Variants in PDE4D observed in about 807,000 individuals in gnomAD.
PDE4D encodes 3',5'-cyclic-AMP phosphodiesterase 4D.
In PDE4D, 24 loss-of-function variants were observed where a neutral mutation model predicts 87.4. The observed-to-expected ratio is 0.27, with a 90% CI of 0.20 to 0.39. The LOEUF is 0.39. PDE4D is among the 10% of genes least tolerant of loss of function. The pLI is 1.00. For synonymous variants in PDE4D, 384 were observed against 383.2 expected (o/e 1.00, Z -0.02); for missense variants, 714 against 1,041.0 (o/e 0.69, Z 4.32).
chr5:59,165,967 T>C (rs1221573512), intron 5 of PDE4D, among the ~76,000 whole-genome samples: 1 of 152,200 alleles, frequency 6.6e-6, no homozygotes, highest in Non-Finnish European at 1.5e-5. Flanking sequence ...TGTAGCCTTC[T>C]AGCACTGTAA....
upstream of PDE4D, among the ~76,000 whole-genome samples, chr5:59,896,982 T>C (rs1751725559): frequency 6.6e-6 from 1 of 152,230 alleles, no homozygotes; most frequent in African/African-American, 2.4e-5. Flanking sequence ...CCATTCTTTT[T>C]CCCACTAGTT....
At chr5:60,295,395 T>C (rs1448420987) in intron 1 of PDE4D, among the ~76,000 whole-genome samples, 2 of 152,348 alleles carry the variant, frequency 1.3e-5, no homozygotes, top group South Asian at 2.1e-4. Context: ...GAATAGAGAT[T>C]TGAGAACAGT....
chr5:59,220,716 G>A (rs1180673091), intron 1 of PDE4D, among the ~76,000 whole-genome samples: 2 of 151,910 alleles, frequency 1.3e-5, no homozygotes, highest in Non-Finnish European at 2.9e-5. Flanking sequence ...TCCACATCGT[G>A]GTGTTATGAA....
intron 1 of PDE4D, among the ~76,000 whole-genome samples, chr5:59,342,969 C>T (rs1369000762): frequency 2.7e-5 from 4 of 145,954 alleles, no homozygotes; most frequent in South Asian, 2.2e-4. Context: ...TAGAAATTTT[C>T]TTTTTTTTTT....
chr5:59,627,972 C>T (rs960786079), intron 1 of PDE4D, among the ~76,000 whole-genome samples: 3 of 152,130 alleles, frequency 2.0e-5, no homozygotes, highest in Non-Finnish European at 2.9e-5. Flanking sequence ...ACATGTTTCT[C>T]AAAGAGTCAT....
intron 1 of PDE4D, among the ~76,000 whole-genome samples, chr5:60,404,394 G>T (rs986073145): frequency 6.6e-6 from 1 of 152,168 alleles, no homozygotes; most frequent in Admixed American, 6.5e-5. Flanking sequence ...CCCAGGGATT[G>T]CATTACCTCT....
chr5:59,906,762 C>A (rs978197268), intron 3 of PDE4D, among the ~76,000 whole-genome samples: 2 of 151,938 alleles, frequency 1.3e-5, no homozygotes, highest in African/African-American at 4.8e-5. Flanking sequence ...GAAAAGGGAC[C>A]ATTTATACAC....
intron 5 of PDE4D, among the ~76,000 whole-genome samples, chr5:59,051,958 C>CAT (rs10636912): frequency 2.0e-5 from 3 of 151,626 alleles, no homozygotes; most frequent in Admixed American, 6.6e-5. Flanking sequence ...TTCTTTCTCT[C>CAT]TTTTTCCCCC....
intron 1 of PDE4D, among the ~76,000 whole-genome samples, chr5:60,231,808 T>G (rs1298379225): frequency 6.6e-6 from 1 of 151,934 alleles, no homozygotes; most frequent in African/African-American, 2.4e-5. Flanking sequence ...CCTCTGTCCT[T>G]GACACTATTA....
At chr5:60,062,770 A>G (rs1229578724) in intron 2 of PDE4D, among the ~76,000 whole-genome samples, 1 of 152,100 alleles carries the variant, frequency 6.6e-6, no homozygotes, top group African/African-American at 2.4e-5. Flanking sequence ...TTGCAGGGAC[A>G]TGGATGAAGC....
intron 1 of PDE4D, among the ~76,000 whole-genome samples, chr5:60,286,042 T>G (rs182688426): frequency 6.9e-4 from 105 of 152,326 alleles, no homozygotes; most frequent in African/African-American, 2.4e-3. Flanking sequence ...GAAGACATTT[T>G]GATTGGACAA....
intron 5 of PDE4D, among the ~76,000 whole-genome samples, chr5:59,129,986 A>T (rs1368841644): frequency 3.3e-5 from 5 of 152,202 alleles, no homozygotes; most frequent in African/African-American, 7.2e-5. Flanking sequence ...AATGATTTTT[A>T]AAAAATAAAT....
chr5:60,520,430 C>G (rs868574903), intron 1 of PDE4D, among the ~76,000 whole-genome samples: 13 of 152,328 alleles, frequency 8.5e-5, no homozygotes, highest in Middle Eastern at 3.4e-3. Flanking sequence ...TCCCCAAATC[C>G]TTCTCTCAGC....
intron 1 of PDE4D, among the ~76,000 whole-genome samples, chr5:59,698,847 T>C (rs1409011177): frequency 2.6e-5 from 4 of 152,204 alleles, no homozygotes; most frequent in Middle Eastern, 3.2e-3. Flanking sequence ...CACAGATCTA[T>C]ATAAGGCTGA....
At chr5:60,214,853 C>T (rs1743667709) in intron 1 of PDE4D, among the ~76,000 whole-genome samples, 1 of 152,104 alleles carries the variant, frequency 6.6e-6, no homozygotes, top group Non-Finnish European at 1.5e-5. Flanking sequence ...AATCTCTGTG[C>T]CCCAGAAGTC....
At position 59,734,460 on chromosome 5, in the gene PDE4D, G is replaced by C. The variant is rs563991951; in HGVS notation, c.455+158708C>G. Among the ~76,000 whole-genome samples the C allele has an allele frequency of 6.6e-5, 10 of 152,226 alleles. No individual in the cohort carries two copies. In the East Asian group the frequency reaches 1.9e-3, roughly 29 times the overall value. On this transcript the variant is annotated intron_variant, in intron 1 of 14. Transcript: ENST00000340635. ...AGAGACATTACAGTGCTGCATTGCT[G>C]AGACAAGCCTATAAAGAAAAGGAAG... is the stretch of plus-strand genomic sequence containing the variant.
At chr5:59,713,465 C>G (rs560188288) in intron 1 of PDE4D, among the ~76,000 whole-genome samples, 1 of 152,218 alleles carries the variant, frequency 6.6e-6, no homozygotes, top group Non-Finnish European at 1.5e-5. Context: ...TTTGCACCTA[C>G]GGCTCACACT....
intron 1 of PDE4D, chr5:59,586,274 C>T: frequency 7.5e-7 from 1 of 1,328,602 alleles, no homozygotes; most frequent in South Asian, 1.2e-5. Flanking sequence ...TGGTACCTGT[C>T]ACGGAATTTG....
intron 1 of PDE4D, among the ~76,000 whole-genome samples, chr5:59,623,628 G>C (rs1435187271): frequency 6.6e-6 from 1 of 152,050 alleles, no homozygotes; most frequent in East Asian, 1.9e-4. Flanking sequence ...AGAACAACCA[G>C]GTCCCCAGAG....
Sources: allele counts gnomAD v4.1 joint callset (sites outside exome capture counted in the v4.1 genomes callset), GRCh38; gene constraint gnomAD v4.1.1; transcripts MANE v1.5; gene names NCBI Gene and HGNC (gene_info 2026-07-23, HGNC 2026-07-21).